The following KCNT2 variants were observed in gnomAD, a reference collection of about 807,000 sequenced individuals.
The protein encoded by KCNT2 is potassium channel subfamily T member 2.
KCNT2 carries 67 observed loss-of-function variants against 153.8 expected under a neutral mutation model. The ratio of observed to expected loss-of-function variants is 0.44; its 90% CI spans 0.36 to 0.53. KCNT2 has a LOEUF of 0.53. KCNT2 is among the 20% of genes least tolerant of loss of function. The probability of loss-of-function intolerance (pLI) is 0.00; values close to 1 mark genes in which losing one functional copy is unlikely to be tolerated. For synonymous variants in KCNT2, 500 were observed against 458.8 expected, an observed-to-expected ratio of 1.09 and a Z score of -1.15; for missense variants, 975 against 1,354.8, an observed-to-expected ratio of 0.72 and a Z score of 4.40.
At chr1:196,377,950 G>T (rs1669114510) in intron 13 of KCNT2, among the ~76,000 whole-genome samples, 1 of 152,054 alleles carries the variant, frequency 6.6e-6, no homozygotes, top group Non-Finnish European at 1.5e-5. Flanking sequence ...GAAAGATGGT[G>T]ATATGGACAG....
At chr1:196,506,516 A>G (rs901951211) in intron 1 of KCNT2, among the ~76,000 whole-genome samples, 2 of 152,172 alleles carry the variant, frequency 1.3e-5, no homozygotes, top group African/African-American at 4.8e-5. Flanking sequence ...ATTGGAGACA[A>G]TAATTAATCT....
At position 196,489,820 on chromosome 1, in the gene KCNT2, C is replaced by A; in HGVS notation, c.275+18G>T. On this transcript the variant is annotated intron_variant, in intron 3 of 27. Transcript: ENST00000294725. ...TAATCAAAATAATATTGTTGAAGGT[C>A]AGAAAAAGGTACCTTACCATTCATT... is the stretch of plus-strand genomic sequence containing the variant. 1.6e-6 allele frequency: 2 copies of A among 1,249,736 alleles called. No individual in the cohort carries two copies. The highest frequency in any genetic ancestry group is 1.3e-5 in the South Asian group (1 of 76,752). 77.4% of individuals were successfully genotyped at this position (1,249,736 alleles called of 1,614,324 possible). A position where few individuals can be genotyped will look rare whatever the true frequency, so the allele number is the denominator to read the frequency against.
intron 14 of KCNT2, among the ~76,000 whole-genome samples, chr1:196,354,564 G>A (rs1382444557): frequency 6.6e-6 from 1 of 151,648 alleles, no homozygotes; most frequent in Non-Finnish European, 1.5e-5. Flanking sequence ...CGTAACTGTA[G>A]AAATATTTTG....
At position 196,602,706 on chromosome 1, in the gene KCNT2, A is replaced by G. The variant is rs566838258; in HGVS notation, c.95+5509T>C. Reference sequence around the variant, plus strand: ...AATTCTTAGTAGTGATTGAAAAACAATAATTATTAAATAATACATTTTTCT... The same window carrying G: ...AATTCTTAGTAGTGATTGAAAAACAGTAATTATTAAATAATACATTTTTCT... On this transcript the variant is annotated intron_variant, in intron 1 of 27. Coordinates refer to ENST00000294725, the MANE Select transcript of KCNT2 (RefSeq NM_198503.5). 7.8e-4 allele frequency among the ~76,000 whole-genome samples: 118 copies of G among 152,096 alleles called. 1 individual carries two copies. Among genetic ancestry groups the G allele is most frequent in the African/African-American group, 2.7e-3 (110 of 41,500 alleles).
At chr1:196,312,157 G>A (rs1001579034) in intron 21 of KCNT2, among the ~76,000 whole-genome samples, 2 of 151,640 alleles carry the variant, frequency 1.3e-5, no homozygotes, top group African/African-American at 2.4e-5. Context: ...ACCCTTTTGG[G>A]GAGAGAGGTA....
In KCNT2 at chr1:196,370,636, G is replaced by A. The variant is rs888411578; in HGVS notation, c.1403+2504C>T. Among the ~76,000 whole-genome samples, 11 of 152,134 alleles carry A rather than the reference G, an allele frequency of 7.2e-5. No individual in the cohort carries two copies. The East Asian group carries it at 2.1e-3, about 29-fold the overall frequency. ...GATGATGATAATCAAAGTGCTATTGGAAAAATATTCTGACAGTTCCTAAAG... is the reference window on the plus strand; with the variant it reads ...GATGATGATAATCAAAGTGCTATTGAAAAAATATTCTGACAGTTCCTAAAG... On this transcript the variant is annotated intron_variant, in intron 14 of 27. Coordinates refer to ENST00000294725, the MANE Select transcript of KCNT2 (RefSeq NM_198503.5).
At chr1:196,380,711 T>G (rs900594005) in intron 13 of KCNT2, among the ~76,000 whole-genome samples, 8 of 152,218 alleles carry the variant, frequency 5.3e-5, no homozygotes, top group African/African-American at 9.6e-5. Flanking sequence ...ATAGAACAAC[T>G]GATTAAATTG....
intron 14 of KCNT2, among the ~76,000 whole-genome samples, chr1:196,344,232 T>C (rs1282316407): frequency 6.6e-6 from 1 of 152,158 alleles, no homozygotes; most frequent in Non-Finnish European, 1.5e-5. Flanking sequence ...ACGCAGTAAA[T>C]GTAAGCTGCC....
intron 26 of KCNT2, among the ~76,000 whole-genome samples, chr1:196,256,730 A>C (rs1002553042): frequency 4.0e-5 from 6 of 149,792 alleles, no homozygotes; most frequent in African/African-American, 9.8e-5. Flanking sequence ...ATATATATAT[A>C]TCCTTTGATC....
rs2147868112 is a variant in KCNT2 at position 196,280,939 on chromosome 1, T to C, written c.2831A>G (p.Tyr944Cys). 2.5e-6 allele frequency: 4 copies of C among 1,611,504 alleles called. No individual in the cohort carries two copies. Among genetic ancestry groups the C allele is most frequent in the Admixed American group, 3.3e-5 (2 of 60,016 alleles). Residue 944 changes from tyrosine to cysteine, a missense_variant, in exon 25 of 28, where the codon TAT (tyrosine) becomes TGT (cysteine). This residue lies in a region of KCNT2 where 241 missense variants were observed against 271.1 expected (regional missense o/e 0.89). Coordinates refer to ENST00000294725, the MANE Select transcript of KCNT2 (RefSeq NM_198503.5). ...DLWIRTYARL[Y>C]QKLCSSTGDV... ...TCCAGTAGAAGAACACAACTTCTGA[T>C]AAAGTCTGGCATAAGTTCTGATCCA...
intron 8 of KCNT2, among the ~76,000 whole-genome samples, chr1:196,430,001 A>AAC: frequency 6.6e-6 from 1 of 152,252 alleles, no homozygotes; most frequent in South Asian, 2.1e-4. Flanking sequence ...ATATTTGAGT[A>AAC]ACATGCAAAA....
rs1336127504 is a variant in KCNT2 at position 196,601,993 on chromosome 1, A to T, written c.95+6222T>A. 2.6e-5 allele frequency among the ~76,000 whole-genome samples: 4 copies of T among 152,280 alleles called. No individual in the cohort carries two copies. The East Asian group carries it at 5.8e-4, about 22-fold the overall frequency. The stretch of plus-strand genomic sequence containing the variant: ...TTAAATTACAATTCAATTGCTAATG[A>T]TTAAGATTCTGTGAAAAGGATTTTT... On this transcript the variant is annotated intron_variant, in intron 1 of 27. Coordinates refer to ENST00000294725, the MANE Select transcript of KCNT2 (RefSeq NM_198503.5).
chr1:196,229,544 G>A (rs1210582347), intron 27 of KCNT2, among the ~76,000 whole-genome samples: 2 of 152,070 alleles, frequency 1.3e-5, no homozygotes, highest in Non-Finnish European at 2.9e-5. Context: ...GAAAGGAAGA[G>A]TATCATGTCT....
At chr1:196,499,637 G>T (rs542139899) in intron 1 of KCNT2, among the ~76,000 whole-genome samples, 5 of 152,282 alleles carry the variant, frequency 3.3e-5, no homozygotes, top group African/African-American at 1.2e-4. Flanking sequence ...CGGGTTTATG[G>T]TGAGGTGAAT....
chr1:196,511,729 A>G (rs1681648817), intron 1 of KCNT2, among the ~76,000 whole-genome samples: 1 of 152,074 alleles, frequency 6.6e-6, no homozygotes, highest in Non-Finnish European at 1.5e-5. Flanking sequence ...CTCTGTGCAT[A>G]CGGGTCCCTG....
chr1:196,463,922 G>A (rs906566838), intron 8 of KCNT2, among the ~76,000 whole-genome samples: 2 of 151,736 alleles, frequency 1.3e-5, no homozygotes, highest in African/African-American at 4.8e-5. Flanking sequence ...TAAAAATAAC[G>A]TGTCCTTTTT....
chr1:196,445,655 CT>C (rs1675626029), intron 8 of KCNT2, among the ~76,000 whole-genome samples: 1 of 151,372 alleles, frequency 6.6e-6, no homozygotes, highest in Non-Finnish European at 1.5e-5. Context: ...ATAATAAGCT[CT>C]GCTTAAAATC....
chr1:196,469,142 T>C (rs1361647715), intron 5 of KCNT2, 74 bp from the exon 6 acceptor site: 2 of 811,568 alleles, frequency 2.5e-6, no homozygotes, highest in Admixed American at 4.4e-5. Context: ...AGACAGCACT[T>C]AGAATTTCTC....
intron 25 of KCNT2, among the ~76,000 whole-genome samples, chr1:196,268,317 A>G (rs1183440145): frequency 6.6e-6 from 1 of 152,184 alleles, no homozygotes; most frequent in Non-Finnish European, 1.5e-5. Context: ...ACACCTACAC[A>G]TTTAAGACCA....
Sources: allele counts gnomAD v4.1 joint callset (sites outside exome capture counted in the v4.1 genomes callset), GRCh38; gene constraint gnomAD v4.1.1; regional missense constraint gnomAD v4.1.1; transcripts MANE v1.5; gene names NCBI Gene and HGNC (gene_info 2026-07-23, HGNC 2026-07-21).